Variants in SPOCK1 observed in about 807,000 individuals in gnomAD.
SPOCK1 encodes testican-1.
In SPOCK1, 23 loss-of-function variants were observed where a neutral mutation model predicts 55.3. The ratio of observed to expected loss-of-function variants is 0.42; its 90% CI spans 0.30 to 0.59. SPOCK1 has a LOEUF of 0.59. SPOCK1 is among the 20% of genes least tolerant of loss of function. The pLI is 0.22. For synonymous variants in SPOCK1, 226 were observed against 221.0 expected, an observed-to-expected ratio of 1.02 and a Z score of -0.20; for missense variants, 499 against 552.5, an observed-to-expected ratio of 0.90 and a Z score of 0.97.
intron 3 of SPOCK1, among the ~76,000 whole-genome samples, chr5:137,212,218 T>C (rs1254221583): frequency 2.0e-5 from 3 of 152,134 alleles, no homozygotes; most frequent in Non-Finnish European, 4.4e-5. Context: ...TGCTGGAGAA[T>C]CAGGTGTTGG....
intron 2 of SPOCK1, among the ~76,000 whole-genome samples, chr5:137,413,875 G>T (rs1580912419): frequency 6.6e-6 from 1 of 152,072 alleles, no homozygotes; most frequent in East Asian, 1.9e-4. Flanking sequence ...GTTCTACCAG[G>T]TATATTCATG....
At chr5:136,987,736 C>T (rs552635005) in intron 8 of SPOCK1, among the ~76,000 whole-genome samples, 15 of 152,268 alleles carry the variant, frequency 9.9e-5, no homozygotes, top group Admixed American at 7.8e-4. Flanking sequence ...GTTGTATGTT[C>T]TCCCGATGTG....
At chr5:137,497,344 A>T (rs1380484551) in intron 2 of SPOCK1, among the ~76,000 whole-genome samples, 1 of 152,250 alleles carries the variant, frequency 6.6e-6, no homozygotes, top group Non-Finnish European at 1.5e-5. Flanking sequence ...AAAAAGAAAC[A>T]GTGCCTTTGA....
intron 3 of SPOCK1, among the ~76,000 whole-genome samples, chr5:137,248,938 T>C (rs947026255): frequency 1.3e-5 from 2 of 152,258 alleles, no homozygotes; most frequent in African/African-American, 4.8e-5. Flanking sequence ...TTATCAAAGA[T>C]AAGTTGACTT....
intron 6 of SPOCK1, among the ~76,000 whole-genome samples, chr5:137,011,447 A>G (rs1258768565): frequency 6.6e-6 from 1 of 152,192 alleles, no homozygotes; most frequent in Non-Finnish European, 1.5e-5. Flanking sequence ...ATGAGGTTGT[A>G]TGTTTCAGAC....
intron 2 of SPOCK1, among the ~76,000 whole-genome samples, chr5:137,348,171 G>T (rs2698233): frequency 0.43 from 64,864 of 151,926 alleles, 14,160 homozygotes; most frequent in East Asian, 0.59. Context: ...AAGTAAGTTC[G>T]TATAGAATGA....
At chr5:137,403,413 G>A (rs1752026296) in intron 2 of SPOCK1, among the ~76,000 whole-genome samples, 1 of 152,072 alleles carries the variant, frequency 6.6e-6, no homozygotes, top group Non-Finnish European at 1.5e-5. Context: ...AGATGCTTAG[G>A]ATAAAATGGT....
chr5:137,471,325 CTTTT>C lies in SPOCK1; in HGVS notation c.186+27044_186+27047del, dbSNP rs539917443. Among the ~76,000 whole-genome samples, 5 of 152,264 alleles carry C rather than the reference CTTTT, an allele frequency of 3.3e-5. No individual in the cohort carries two copies. The East Asian group carries it at 7.7e-4, about 24-fold the overall frequency. ...AGTTAAATTAGTTGTGTATTTTTAT[CTTTT>C]TTTGTTTGTTTGTTTGTTTTTGTTT... On this transcript the variant is annotated intron_variant, in intron 2 of 10. Transcript: ENST00000394945.
In SPOCK1 at chr5:137,436,964, G is replaced by A. The variant is rs10042173; in HGVS notation, c.186+61409C>T. Among the ~76,000 whole-genome samples, 734 of 152,272 alleles carry A rather than the reference G, an allele frequency of 4.8e-3. 6 individuals carry two copies. Among genetic ancestry groups the A allele is most frequent in the African/African-American group, 0.017 (706 of 41,562 alleles). On this transcript the variant is annotated intron_variant, in intron 2 of 10. Coordinates refer to ENST00000394945, the MANE Select transcript of SPOCK1 (RefSeq NM_004598.4). ...GTCTCTCTTTAGGGTCTGACAGAGA[G>A]GGCCCAACATTTCCGGAATGAATGA...
intron 6 of SPOCK1, among the ~76,000 whole-genome samples, chr5:136,995,419 C>T (rs1171433419): frequency 1.3e-5 from 2 of 152,198 alleles, no homozygotes; most frequent in South Asian, 2.1e-4. Context: ...CCTCCCAACA[C>T]ACTTATTGGA....
At chr5:137,112,963 G>C (rs1753505123) in intron 4 of SPOCK1, among the ~76,000 whole-genome samples, 1 of 152,142 alleles carries the variant, frequency 6.6e-6, no homozygotes, top group Admixed American at 6.5e-5. Context: ...GGGACTCACA[G>C]GCAGCCTTTT....
intron 3 of SPOCK1, among the ~76,000 whole-genome samples, chr5:137,227,921 CTG>C (rs1755976397): frequency 6.6e-6 from 1 of 152,224 alleles, no homozygotes; most frequent in Non-Finnish European, 1.5e-5. Context: ...CCACAAAACT[CTG>C]TGATCTGGAC....
chr5:136,978,795 G>A lies in SPOCK1; in HGVS notation c.1179C>T (p.Val393=). The A allele has an allele frequency of 6.2e-7, 1 of 1,613,752 alleles. No homozygotes were observed. The highest frequency in any genetic ancestry group is 8.5e-7 in the Non-Finnish European group (1 of 1,179,888). ...SGDFGSGGSV[V]LLDDLEYERE... is the part of the protein sequence containing the mutation. The stretch of plus-strand genomic sequence containing the variant: ...GTTCATATTCTAGGTCATCCAGCAG[G>A]ACCACGGACCCACCACTGCCAAAAT... The change falls in exon 11 of 11, where the codon GTC becomes GTT. Residue 393 remains valine, a synonymous_variant. Transcript: ENST00000394945.
At chr5:137,287,508 T>C (rs1757292245) in intron 2 of SPOCK1, among the ~76,000 whole-genome samples, 1 of 152,204 alleles carries the variant, frequency 6.6e-6, no homozygotes, top group East Asian at 1.9e-4. Flanking sequence ...CTCCCTGAGA[T>C]TGCAGAGGGC....
At chr5:137,427,473 T>C (rs1303802526) in intron 2 of SPOCK1, among the ~76,000 whole-genome samples, 2 of 152,208 alleles carry the variant, frequency 1.3e-5, no homozygotes, top group Admixed American at 6.5e-5. Flanking sequence ...CTGAGCTCTA[T>C]GTGGTCTCCC....
At chr5:137,304,890 G>A (rs931275986) in intron 2 of SPOCK1, among the ~76,000 whole-genome samples, 15 of 152,154 alleles carry the variant, frequency 9.9e-5, no homozygotes, top group African/African-American at 2.7e-4. Flanking sequence ...GCAGGGGAGA[G>A]TGCATCAGCT....
chr5:137,493,976 G>A (rs1443196590), intron 2 of SPOCK1, among the ~76,000 whole-genome samples: 1 of 145,008 alleles, frequency 6.9e-6, no homozygotes, highest in Admixed American at 6.9e-5. Context: ...GTGCCAGAAG[G>A]AAAAAGAACA....
chr5:137,126,979 G>A (rs114444063), intron 4 of SPOCK1, among the ~76,000 whole-genome samples: 208 of 152,220 alleles, frequency 1.4e-3, no homozygotes, highest in African/African-American at 4.9e-3. Context: ...TCATCAACAG[G>A]GAGGCAGAAC....
intron 2 of SPOCK1, among the ~76,000 whole-genome samples, chr5:137,268,976 G>A (rs1027846980): frequency 7.7e-6 from 1 of 129,720 alleles, no homozygotes; most frequent in African/African-American, 2.9e-5. Flanking sequence ...GTTTGAGCAA[G>A]TCTCAAGAAC....
Sources: allele counts gnomAD v4.1 joint callset (sites outside exome capture counted in the v4.1 genomes callset), GRCh38; gene constraint gnomAD v4.1.1; transcripts MANE v1.5; gene names NCBI Gene and HGNC (gene_info 2026-07-23, HGNC 2026-07-21).